Variants in GABBR2 observed in about 807,000 individuals in gnomAD.
The protein encoded by GABBR2 is G-protein coupled receptor 51.
A neutral mutation model predicts 105.6 loss-of-function variants in GABBR2; 23 were observed. The observed-to-expected ratio is 0.22, with a 90% CI of 0.16 to 0.31. The LOEUF is 0.31. Among genes scored for constraint, GABBR2 ranks in the 10% least tolerant of loss-of-function variants. GABBR2 has a pLI of 1.00. For missense variants in GABBR2, 734 were observed against 1,245.5 expected (o/e 0.59, Z 6.18); for synonymous variants, 478 against 499.7 (o/e 0.96, Z 0.58).
intron 1 of GABBR2, among the ~76,000 whole-genome samples, chr9:98,621,262 A>T (rs1829666951): frequency 6.6e-6 from 1 of 152,204 alleles, no homozygotes; most frequent in South Asian, 2.1e-4. Flanking sequence ...CTGGTTACAG[A>T]AGGAACCAGG....
intron 7 of GABBR2, among the ~76,000 whole-genome samples, chr9:98,420,432 G>C (rs1226086528): frequency 1.3e-5 from 2 of 152,154 alleles, no homozygotes; most frequent in African/African-American, 4.8e-5. Flanking sequence ...AGGGCTTTTA[G>C]AAGAGTGAAG....
intron 3 of GABBR2, among the ~76,000 whole-genome samples, chr9:98,529,646 A>C (rs972042711): frequency 6.6e-6 from 1 of 151,894 alleles, no homozygotes; most frequent in Non-Finnish European, 1.5e-5. Flanking sequence ...TTTAAAATAA[A>C]AATAACCACA....
chr9:98,624,628 C>A (rs572099696), intron 1 of GABBR2, among the ~76,000 whole-genome samples: 2 of 151,642 alleles, frequency 1.3e-5, no homozygotes, highest in Admixed American at 1.3e-4. Context: ...CTGCTGGTAG[C>A]AGCCAAGGAA....
chr9:98,384,404 A>G (rs376301528), intron 11 of GABBR2, among the ~76,000 whole-genome samples: 60 of 152,320 alleles, frequency 3.9e-4, no homozygotes, highest in African/African-American at 1.3e-3. Context: ...CATCCTGACC[A>G]ACATGGAGAA....
At chr9:98,529,367 G>A (rs755568716) in intron 3 of GABBR2, among the ~76,000 whole-genome samples, 3 of 152,200 alleles carry the variant, frequency 2.0e-5, no homozygotes, top group Admixed American at 6.5e-5. Context: ...TCACGGTGAC[G>A]GAGTCACGGA....
At chr9:98,416,926 T>A (rs150374093) in intron 7 of GABBR2, among the ~76,000 whole-genome samples, 62 of 150,980 alleles carry the variant, frequency 4.1e-4, no homozygotes, top group African/African-American at 1.4e-3. Context: ...CCATCTACCA[T>A]GTGGTTTTGG....
At chr9:98,518,259 C>T (rs890845553) in intron 3 of GABBR2, among the ~76,000 whole-genome samples, 1 of 152,210 alleles carries the variant, frequency 6.6e-6, no homozygotes, top group African/African-American at 2.4e-5. Flanking sequence ...AGTACTTCAT[C>T]TAAATCGGAC....
At chr9:98,642,235 C>T (rs1273635103) in intron 1 of GABBR2, among the ~76,000 whole-genome samples, 1 of 152,212 alleles carries the variant, frequency 6.6e-6, no homozygotes, top group African/African-American at 2.4e-5. Context: ...CTGGGAACCC[C>T]ACGCTTCCTC....
At chr9:98,482,249 CCATTTTACTCA>C (rs1343091714) in intron 4 of GABBR2, among the ~76,000 whole-genome samples, 1 of 152,182 alleles carries the variant, frequency 6.6e-6, no homozygotes, top group Non-Finnish European at 1.5e-5. Flanking sequence ...GACTGAGAGG[CCATTTTACTCA>C]TCATGTACTT....
intron 4 of GABBR2, among the ~76,000 whole-genome samples, chr9:98,495,283 G>A (rs1340501939): frequency 2.0e-5 from 3 of 152,248 alleles, no homozygotes; most frequent in Non-Finnish European, 4.4e-5. Flanking sequence ...CTGTGAACTG[G>A]AGGATTTAGA....
At chr9:98,684,850 ATTCTGGGCTT>A (rs1003486209) in intron 1 of GABBR2, among the ~76,000 whole-genome samples, 6 of 152,294 alleles carry the variant, frequency 3.9e-5, no homozygotes, top group Non-Finnish European at 8.8e-5. Context: ...CAAGGATGGA[ATTCTGGGCTT>A]TCCTCAAGGC....
chr9:98,396,392 GC>G lies in GABBR2; in HGVS notation c.1298-2138del, dbSNP rs370924090. On this transcript the variant is annotated intron_variant, in intron 8 of 18. Coordinates refer to ENST00000259455, the MANE Select transcript of GABBR2 (RefSeq NM_005458.8). The stretch of plus-strand genomic sequence containing the variant: ...TTGCAGAAATGCAGGTGCACTGCTG[GC>G]CCTTAGAAACATTCAGAAAACAGAA... Among the ~76,000 whole-genome samples, 305 of 152,352 alleles carry G rather than the reference GC, an allele frequency of 2.0e-3. 3 individuals are homozygous for G. The highest frequency in any genetic ancestry group is 7.0e-3 in the African/African-American group (291 of 41,572).
chr9:98,459,534 T>C (rs748808128), intron 6 of GABBR2, among the ~76,000 whole-genome samples: 1 of 152,216 alleles, frequency 6.6e-6, no homozygotes, highest in African/African-American at 2.4e-5. Context: ...AAGACTTGCA[T>C]GGCCAAGGTG....
intron 1 of GABBR2, among the ~76,000 whole-genome samples, chr9:98,670,567 T>C (rs185398522): frequency 9.5e-4 from 144 of 152,354 alleles, no homozygotes; most frequent in African/African-American, 3.4e-3. Context: ...ATAGCTGAAA[T>C]GTGGAAGCAG....
At chr9:98,529,948 C>G (rs766904541) in intron 3 of GABBR2, among the ~76,000 whole-genome samples, 1 of 152,230 alleles carries the variant, frequency 6.6e-6, no homozygotes, top group Non-Finnish European at 1.5e-5. Flanking sequence ...CCCCAACAGA[C>G]TCTTTGCTGT....
intron 1 of GABBR2, among the ~76,000 whole-genome samples, chr9:98,609,642 G>T (rs1348911404): frequency 6.6e-6 from 1 of 152,220 alleles, no homozygotes; most frequent in Non-Finnish European, 1.5e-5. Context: ...AGTGAGCAAG[G>T]CATGGTTCAG....
intron 1 of GABBR2, among the ~76,000 whole-genome samples, chr9:98,626,764 C>T (rs1408719470): frequency 6.6e-6 from 1 of 152,134 alleles, no homozygotes; most frequent in Non-Finnish European, 1.5e-5. Context: ...AAGTTGCATC[C>T]TCTGCTCTGC....
At chr9:98,397,287 C>T (rs1832310701) in intron 8 of GABBR2, among the ~76,000 whole-genome samples, 1 of 152,182 alleles carries the variant, frequency 6.6e-6, no homozygotes, top group Non-Finnish European at 1.5e-5. Context: ...CTTGGACATC[C>T]TGGATGCTGG....
chr9:98,445,266 T>C (rs1346936372), intron 7 of GABBR2, among the ~76,000 whole-genome samples: 1 of 152,208 alleles, frequency 6.6e-6, no homozygotes, highest in South Asian at 2.1e-4. Flanking sequence ...AATATGGCTC[T>C]CCTACAGGCT....
Sources: allele counts gnomAD v4.1 joint callset (sites outside exome capture counted in the v4.1 genomes callset), GRCh38; gene constraint gnomAD v4.1.1; transcripts MANE v1.5; gene names NCBI Gene and HGNC (gene_info 2026-07-23, HGNC 2026-07-21).